The following CDH13 variants were observed in gnomAD, a reference collection of about 807,000 sequenced individuals.
The protein encoded by CDH13 is cadherin 13.
A neutral mutation model predicts 63.8 loss-of-function variants in CDH13; 24 were observed. The observed-to-expected ratio is 0.38, with a 90% CI of 0.27 to 0.53. CDH13 has a LOEUF of 0.53. Among genes scored for constraint, CDH13 ranks in the 20% least tolerant of loss-of-function variants. CDH13 has a pLI of 0.85. For missense variants in CDH13, 1,049 were observed against 903.1 expected (o/e 1.16, Z -2.07); for synonymous variants, 503 against 355.3 (o/e 1.42, Z -4.67).
chr16:82,798,519 G>C (rs974797730), intron 1 of CDH13, among the ~76,000 whole-genome samples: 1 of 152,208 alleles, frequency 6.6e-6, no homozygotes, highest in Admixed American at 6.5e-5. Flanking sequence ...GTGTGAGGCT[G>C]AAGGGATGAT....
At chr16:83,062,662 G>A (rs963853296) in intron 3 of CDH13, among the ~76,000 whole-genome samples, 11 of 152,184 alleles carry the variant, frequency 7.2e-5, no homozygotes, top group Admixed American at 7.2e-4. Flanking sequence ...ATAAAAGCAG[G>A]TAGAGAGGTG....
chr16:83,442,934 A>G (rs1451790621), intron 6 of CDH13, among the ~76,000 whole-genome samples: 2 of 152,228 alleles, frequency 1.3e-5, no homozygotes, highest in Non-Finnish European at 2.9e-5. Context: ...CTTGACCTTC[A>G]GGGACTTATT....
chr16:83,299,166 A>G (rs1017883603), intron 5 of CDH13, among the ~76,000 whole-genome samples: 4 of 152,158 alleles, frequency 2.6e-5, no homozygotes, highest in African/African-American at 9.7e-5. Flanking sequence ...AATGGAGATA[A>G]TATCTTTCTG....
In CDH13 at chr16:82,949,549, A is replaced by G. The variant is rs150397293; in HGVS notation, c.158-82461A>G. 7.7e-3 allele frequency among the ~76,000 whole-genome samples: 1,176 copies of G among 152,276 alleles called. 7 individuals are homozygous for G. The highest frequency in any genetic ancestry group is 0.013 in the Non-Finnish European group (910 of 68,026). ...CTCCTGACAGTTCTTAATAGGGTCA[A>G]TATTTCAATGCGTGCATTTGTTTTT... is the stretch of plus-strand genomic sequence containing the variant. On this transcript the variant is annotated intron_variant, in intron 2 of 13. Coordinates refer to ENST00000567109, the MANE Select transcript of CDH13 (RefSeq NM_001257.5).
chr16:82,736,898 G>C (rs1365359694), intron 1 of CDH13, among the ~76,000 whole-genome samples: 1 of 152,056 alleles, frequency 6.6e-6, no homozygotes, highest in African/African-American at 2.4e-5. Context: ...TGTTGTAGTT[G>C]GGCAGTTCCT....
chr16:83,133,707 C>G (rs924318013), intron 4 of CDH13, among the ~76,000 whole-genome samples: 1 of 152,198 alleles, frequency 6.6e-6, no homozygotes, highest in African/African-American at 2.4e-5. Flanking sequence ...CCATATTGGT[C>G]AGGCTGGTCT....
chr16:83,357,276 C>G (rs1463900797), intron 6 of CDH13, among the ~76,000 whole-genome samples: 1 of 152,130 alleles, frequency 6.6e-6, no homozygotes, highest in Non-Finnish European at 1.5e-5. Flanking sequence ...TTGGCTCACA[C>G]TAAAGTCATA....
At chr16:83,203,458 G>T (rs979987702) in intron 4 of CDH13, among the ~76,000 whole-genome samples, 1 of 151,790 alleles carries the variant, frequency 6.6e-6, no homozygotes, top group Non-Finnish European at 1.5e-5. Context: ...AGGCCAAGGC[G>T]GGCGGATCAT....
At chr16:82,966,524 C>A (rs1242359665) in intron 2 of CDH13, among the ~76,000 whole-genome samples, 1 of 152,222 alleles carries the variant, frequency 6.6e-6, no homozygotes, top group Non-Finnish European at 1.5e-5. Context: ...CACTGCCAGT[C>A]AATCTGGGCT....
chr16:82,847,073 C>G (rs2039290171), intron 1 of CDH13, among the ~76,000 whole-genome samples: 1 of 152,192 alleles, frequency 6.6e-6, no homozygotes, highest in East Asian at 1.9e-4. Flanking sequence ...ATTCCCTCTC[C>G]TATTCCTTTC....
chr16:83,370,946 C>G lies in CDH13; in HGVS notation c.781+25940C>G, dbSNP rs139008002. 7.8e-3 allele frequency among the ~76,000 whole-genome samples: 1,186 copies of G among 152,280 alleles called. 9 individuals are homozygous for G. Among genetic ancestry groups the G allele is most frequent in the Non-Finnish European group, 0.012 (793 of 68,030 alleles). On this transcript the variant is annotated intron_variant, in intron 6 of 13. Coordinates refer to ENST00000567109, the MANE Select transcript of CDH13 (RefSeq NM_001257.5). ...TGCAGTGAAAAAATGCTCAACATCA[C>G]TAATCATTAGAGAAATGCAAATAAA...
chr16:82,963,507 C>G (rs1907344760), intron 2 of CDH13, among the ~76,000 whole-genome samples: 1 of 152,218 alleles, frequency 6.6e-6, no homozygotes, highest in Non-Finnish European at 1.5e-5. Context: ...ACACTCCCCT[C>G]TAACTCCACT....
chr16:83,135,299 A>G (rs2036232586), intron 4 of CDH13, among the ~76,000 whole-genome samples: 2 of 152,240 alleles, frequency 1.3e-5, no homozygotes, highest in Admixed American at 1.3e-4. Context: ...AGACTCTTCA[A>G]TGCCACATCA....
At chr16:83,651,413 C>G (rs944602359) in intron 8 of CDH13, among the ~76,000 whole-genome samples, 1 of 151,994 alleles carries the variant, frequency 6.6e-6, no homozygotes, top group African/African-American at 2.4e-5. Flanking sequence ...ATTATTTAAT[C>G]CATCATAATC....
At chr16:82,851,798 G>A (rs1356846817) in intron 1 of CDH13, among the ~76,000 whole-genome samples, 2 of 152,024 alleles carry the variant, frequency 1.3e-5, no homozygotes, top group Non-Finnish European at 2.9e-5. Flanking sequence ...GTGCTCCCTG[G>A]GAGGATAAAG....
Position 83,658,050 on chromosome 16 carries a change from TCCCA to T in CDH13, c.1102-12739_1102-12736del, listed in dbSNP as rs1306302560. 2.6e-3 allele frequency among the ~76,000 whole-genome samples: 225 copies of T among 88,194 alleles called. 3 individuals carry two copies. Among genetic ancestry groups the T allele is most frequent in the African/African-American group, 9.2e-3 (218 of 23,744 alleles). The allele number at this position is 88,194 out of a possible 152,430, so 57.9% of individuals were successfully genotyped here. On this transcript the variant is annotated intron_variant, in intron 8 of 13. Transcript: ENST00000567109. The stretch of plus-strand genomic sequence containing the variant: ...AGGTCCCATGTCCTCACCAGCAAGG[TCCCA>T]TATCCTCACCACCAGGTGCCATGTC...
chr16:82,804,420 C>T (rs1032184783), intron 1 of CDH13, among the ~76,000 whole-genome samples: 7 of 151,978 alleles, frequency 4.6e-5, no homozygotes, highest in Admixed American at 2.6e-4. Context: ...ATATATAAAA[C>T]ATATCAAATT....
Position 83,218,540 on chromosome 16 carries a change from A to G in CDH13, c.636+1043A>G, listed in dbSNP as rs144452710. Among the ~76,000 whole-genome samples the G allele has an allele frequency of 3.1e-3, 468 of 152,316 alleles. 1 individual carries two copies. Among genetic ancestry groups the G allele is most frequent in the Middle Eastern group, 0.02 (6 of 294 alleles). On this transcript the variant is annotated intron_variant, in intron 5 of 13. Transcript: ENST00000567109. ...CCCAGTTCCAGCTGGCCTTGACAGT[A>G]ACCAGAGGTGACCTGGCAGCTATTG... is the stretch of plus-strand genomic sequence containing the variant.
Position 83,167,563 on chromosome 16 carries a change from A to G in CDH13, c.483+42062A>G, listed in dbSNP as rs572062067. 3.5e-3 allele frequency among the ~76,000 whole-genome samples: 508 copies of G among 146,050 alleles called. 5 individuals carry two copies. The highest frequency in any genetic ancestry group is 4.8e-3 in the Non-Finnish European group (320 of 66,934). On this transcript the variant is annotated intron_variant, in intron 4 of 13. Coordinates refer to ENST00000567109, the MANE Select transcript of CDH13 (RefSeq NM_001257.5). ...TAGCCTGGGCTCCCGTGTTGGCTTTATTACTGAGCTGTGTGCAGGTGGATG... is the reference window on the plus strand; with the variant it reads ...TAGCCTGGGCTCCCGTGTTGGCTTTGTTACTGAGCTGTGTGCAGGTGGATG...
Sources: allele counts gnomAD v4.1 joint callset (sites outside exome capture counted in the v4.1 genomes callset), GRCh38; gene constraint gnomAD v4.1.1; transcripts MANE v1.5; gene names NCBI Gene and HGNC (gene_info 2026-07-23, HGNC 2026-07-21).